MFSD12: variants seen among roughly 807,000 people sequenced by gnomAD.
The protein encoded by MFSD12 is major facilitator superfamily domain-containing protein 12.
In MFSD12, 67 loss-of-function variants were observed where a neutral mutation model predicts 51.2. The observed-to-expected ratio is 1.31, with a 90% CI of 1.08 to 1.60. The LOEUF (loss-of-function observed/expected upper bound fraction) is 1.60, where lower values mean the gene tolerates loss of function less well. MFSD12 is among the 40% of genes most tolerant of loss of function. The pLI, the probability that MFSD12 is intolerant of heterozygous loss-of-function variation, is 0.00. For missense variants in MFSD12, 921 were observed against 673.0 expected (o/e 1.37, Z -4.08); for synonymous variants, 441 against 316.7 (o/e 1.39, Z -4.17).
chr19:3,547,186 C>T (rs984865987), intron 6 of MFSD12, 86 bp downstream of exon 6: 90 of 1,248,342 alleles, frequency 7.2e-5, no homozygotes, highest in Non-Finnish European at 9.5e-5. Flanking sequence ...TGAGAGCATC[C>T]GAGGATGGAA....
intron 7 of MFSD12, 43 bp from the exon 8 acceptor site, chr19:3,546,211 C>T (rs1467281408): frequency 6.2e-7 from 1 of 1,608,086 alleles, no homozygotes; most frequent in East Asian, 2.2e-5. Context: ...ACCCCGAGAT[C>T]TAGGACCCGG....
chr19:3,545,115 G>A (rs972065616), intron 8 of MFSD12, among the ~76,000 whole-genome samples, 176 bp from the exon 9 acceptor site: 1 of 152,074 alleles, frequency 6.6e-6, no homozygotes, highest in Non-Finnish European at 1.5e-5. Context: ...CCAGTCCTGT[G>A]GGCCCTGCTT....
downstream of MFSD12, among the ~76,000 whole-genome samples, chr19:3,540,441 A>G (rs1460128508): frequency 7.3e-5 from 11 of 151,452 alleles, no homozygotes; most frequent in East Asian, 1.8e-3. Context: ...TATTTTTAGT[A>G]GAGACGGGGT....
Position 3,544,862 on chromosome 19 carries a change from G to A in MFSD12, c.1367C>T (p.Ala456Val). 3 of 1,611,736 alleles carry A rather than the reference G, an allele frequency of 1.9e-6. No homozygotes were observed. The highest frequency in any genetic ancestry group is 2.5e-6 in the Non-Finnish European group (3 of 1,179,546). The stretch of plus-strand genomic sequence containing the variant: ...GAGGCTACAGAGACACAGGGCAGCG[G>A]CCACGCCCACGCCGCCCGTCACAGC... The part of the protein sequence containing the change: ...MVAVTGGVGV[A>V]AALCLCSLLL... Residue 456 changes from alanine (A) to valine (V), a missense_variant, in exon 9 of 10, where the codon GCC (alanine) becomes GTC (valine). Physicochemically the swap from Ala to Val is moderately conservative, Grantham distance 64. Coordinates refer to ENST00000355415, the MANE Select transcript of MFSD12 (RefSeq NM_174983.5).
At chr19:3,552,928 C>T (rs987503038) in intron 1 of MFSD12, among the ~76,000 whole-genome samples, 8 of 152,210 alleles carry the variant, frequency 5.3e-5, no homozygotes, top group Non-Finnish European at 1.2e-4. Context: ...CAGCCCTGCA[C>T]TCCTCTCCTC....
downstream of MFSD12, chr19:3,542,693 G>A: frequency 2.4e-6 from 3 of 1,247,758 alleles, no homozygotes; most frequent in Non-Finnish European, 1.0e-6. Context: ...ATGCTGGCCA[G>A]GCTGGTCTCG....
chr19:3,550,328 C>T (rs761329010), intron 2 of MFSD12, among the ~76,000 whole-genome samples: 23 of 152,134 alleles, frequency 1.5e-4, no homozygotes, highest in Non-Finnish European at 2.5e-4. Context: ...GCAGGAGGAT[C>T]GCTTGAGCCC....
downstream of MFSD12, chr19:3,543,155 C>T: frequency 6.6e-7 from 1 of 1,514,430 alleles, no homozygotes; most frequent in Non-Finnish European, 8.8e-7. Context: ...TCTACATCAT[C>T]CACCCTGGCA....
At chr19:3,545,268 G>A (rs1269243545) in intron 8 of MFSD12, among the ~76,000 whole-genome samples, 3 of 152,178 alleles carry the variant, frequency 2.0e-5, no homozygotes, top group South Asian at 4.1e-4. Flanking sequence ...ACCACCAGAG[G>A]GCGTCTGTGA....
intron 1 of MFSD12, among the ~76,000 whole-genome samples, chr19:3,555,888 C>T (rs1484516321): frequency 6.6e-6 from 1 of 152,232 alleles, no homozygotes; most frequent in African/African-American, 2.4e-5. Flanking sequence ...TCTTCAGGCC[C>T]AGGGTCCGGG....
At position 3,544,627 on chromosome 19, in the gene MFSD12, TG is replaced by T. The variant is rs1348764416; in HGVS notation, c.*82del. On this transcript the variant is annotated 3_prime_UTR_variant, in exon 10 of 10. Coordinates refer to ENST00000355415, the MANE Select transcript of MFSD12 (RefSeq NM_174983.5). ...GGGTCCAGAGAAGAGTGAGGGGCAG[TG>T]GGGGCTTTTCCCCAAGGCCCTGGGG... 3.3e-6 allele frequency: 5 copies of T among 1,519,600 alleles called. No homozygotes were observed. In the Admixed American group the frequency reaches 6.0e-5, roughly 18 times the overall value. 94.1% of individuals were successfully genotyped at this position (1,519,600 alleles called of 1,614,324 possible).
Position 3,551,193 on chromosome 19 carries a change from G to A in MFSD12, c.300C>T (p.Gly100=), listed in dbSNP as rs1360244870. 6.2e-7 allele frequency: 1 copy of A among 1,601,134 alleles called. No homozygotes were observed. Among genetic ancestry groups the A allele is most frequent in the Non-Finnish European group, 8.5e-7 (1 of 1,173,832 alleles). The change falls in exon 2 of 10, where the codon GGC becomes GGT. Residue 100 remains glycine, a splice_region_variant and synonymous_variant. Transcript: ENST00000355415. This position sits in a 1 kb window ranked among gnomAD's most constrained non-coding sequence, Gnocchi z 4.6. ...YGPRKAWHLV[G]TVCVLLSFPF... ...GGAAGGACAGCAGGACGCAGACGGTGCCTGTGGAAGGCAGAGTGGTCAGTC... is the reference window on the plus strand; with the variant it reads ...GGAAGGACAGCAGGACGCAGACGGTACCTGTGGAAGGCAGAGTGGTCAGTC...
At chr19:3,543,452 C>T (rs764089535), downstream of MFSD12, 78 of 1,541,364 alleles carry the variant, frequency 5.1e-5, no homozygotes, top group African/African-American at 4.2e-4. Flanking sequence ...CTACCAACAC[C>T]GTGAGTGCAG....
intron 7 of MFSD12, 26 bp from the exon 8 acceptor site, chr19:3,546,194 A>G: frequency 6.2e-7 from 1 of 1,611,042 alleles, no homozygotes; most frequent in Non-Finnish European, 8.5e-7. Flanking sequence ...CGAGGTGGTC[A>G]GCGTGCACCC....
At chr19:3,547,389 C>G (rs760696928) in intron 5 of MFSD12, 25 bp from the exon 6 acceptor site, 1 of 1,612,882 alleles carries the variant, frequency 6.2e-7, no homozygotes, top group Non-Finnish European at 8.5e-7. Context: ...CCAGGCATGC[C>G]GTGTCAGTCA....
exon 5 of MFSD12, chr19:3,538,558 C>G (rs2030087677): frequency 7.5e-6 from 3 of 397,674 alleles, no homozygotes; most frequent in Non-Finnish European, 1.5e-5. Context: ...TGTCTGGTGT[C>G]TCTCACTGAG....
intron 8 of MFSD12, among the ~76,000 whole-genome samples, chr19:3,545,690 C>T (rs2030951409): frequency 6.6e-6 from 1 of 152,230 alleles, no homozygotes; most frequent in African/African-American, 2.4e-5. Flanking sequence ...TGCCCCAGGC[C>T]CAGACCGGCT....
downstream of MFSD12, chr19:3,539,318 T>C (rs1371091032): frequency 4.1e-5 from 32 of 789,432 alleles, no homozygotes; most frequent in Non-Finnish European, 5.5e-5. Flanking sequence ...CCTCCCTGGG[T>C]GTCAGGTTAC....
intron 4 of MFSD12, 50 bp from the exon 5 acceptor site, chr19:3,547,597 C>T (rs1301296106): frequency 1.3e-6 from 2 of 1,515,268 alleles, no homozygotes; most frequent in South Asian, 1.2e-5. Flanking sequence ...GGGCCTTCTC[C>T]ACTCCCACCA....
Sources: allele counts gnomAD v4.1 joint callset (sites outside exome capture counted in the v4.1 genomes callset), GRCh38; gene constraint gnomAD v4.1.1; non-coding constraint Gnocchi (gnomAD v3.1); transcripts MANE v1.5; gene names NCBI Gene and HGNC (gene_info 2026-07-23, HGNC 2026-07-21).